The following CEP128 variants were observed in gnomAD, a reference collection of about 807,000 sequenced individuals.
The protein encoded by CEP128 is centrosomal protein 128kDa.
Under a neutral mutation model 156.7 loss-of-function variants are expected in CEP128, and 132 were observed. The observed-to-expected ratio is 0.84, with a 90% CI of 0.73 to 0.97. CEP128 has a LOEUF of 0.97. Among genes scored for constraint, CEP128 ranks in the 50% least tolerant of loss-of-function variants. The pLI is 0.00. For missense variants in CEP128, 1,252 were observed against 1,281.9 expected (o/e 0.98, Z 0.36); for synonymous variants, 469 against 448.9 (o/e 1.04, Z -0.57).
chr14:80,663,911 G>A (rs1422928998), intron 19 of CEP128, among the ~76,000 whole-genome samples: 1 of 152,154 alleles, frequency 6.6e-6, no homozygotes, highest in African/African-American at 2.4e-5. Context: ...GTATTTAGAG[G>A]CAGCTCCAGT....
At chr14:80,786,432 A>T (rs1168116177) in intron 14 of CEP128, among the ~76,000 whole-genome samples, 1 of 152,244 alleles carries the variant, frequency 6.6e-6, no homozygotes, top group Non-Finnish European at 1.5e-5. Flanking sequence ...AGACATTTCT[A>T]CACTTCACAT....
intron 19 of CEP128, among the ~76,000 whole-genome samples, chr14:80,707,179 G>A (rs1216581318): frequency 6.6e-6 from 1 of 152,136 alleles, no homozygotes; most frequent in Non-Finnish European, 1.5e-5. Context: ...TGTCTGTTAT[G>A]TTATGAGACT....
chr14:80,603,336 G>C (rs1385197182), intron 19 of CEP128, among the ~76,000 whole-genome samples: 1 of 152,228 alleles, frequency 6.6e-6, no homozygotes, highest in Non-Finnish European at 1.5e-5. Context: ...GTGGTTGCCA[G>C]AGGCTGGAGG....
At chr14:80,801,393 TAG>T (rs1491013710) in intron 13 of CEP128, among the ~76,000 whole-genome samples, 2 of 61,980 alleles carry the variant, frequency 3.2e-5, no homozygotes, top group Admixed American at 3.0e-4. Flanking sequence ...TATCCCTTAC[TAG>T]TTTTTGACAT....
At chr14:80,520,283 G>A (rs1311349389) in intron 23 of CEP128, among the ~76,000 whole-genome samples, 1 of 152,126 alleles carries the variant, frequency 6.6e-6, no homozygotes, top group Non-Finnish European at 1.5e-5. Context: ...GCCAGGCATA[G>A]TGGCGCATGC....
chr14:80,722,510 A>T (rs926638336), intron 19 of CEP128, among the ~76,000 whole-genome samples: 1 of 151,744 alleles, frequency 6.6e-6, no homozygotes, highest in South Asian at 2.1e-4. Flanking sequence ...TATATATTAC[A>T]GACGCACACA....
chr14:80,489,563 A>T (rs187005797), downstream of CEP128, among the ~76,000 whole-genome samples: 1 of 152,290 alleles, frequency 6.6e-6, no homozygotes, highest in East Asian at 1.9e-4. Context: ...TGGGATCTTC[A>T]TACCCTATTG....
At chr14:80,834,735 G>A (rs1885985499) in intron 12 of CEP128, among the ~76,000 whole-genome samples, 1 of 152,136 alleles carries the variant, frequency 6.6e-6, no homozygotes, top group African/African-American at 2.4e-5. Context: ...AACAATTCCT[G>A]TGTGCATCTT....
At chr14:80,509,070 C>A (rs1173649956) in intron 23 of CEP128, among the ~76,000 whole-genome samples, 1 of 152,144 alleles carries the variant, frequency 6.6e-6, no homozygotes, top group Non-Finnish European at 1.5e-5. Context: ...ACCATCAGAT[C>A]TTGTGAGAAC....
At position 80,530,596 on chromosome 14, in the gene CEP128, CTA is replaced by C. The variant is rs113632960; in HGVS notation, c.2958+211_2958+212del. ...GAGCTTCTAGTAGTACAGTGAAAGT[CTA>C]TATCTTCCTATCTTGTGCTAATACA... On this transcript the variant is annotated intron_variant, in intron 22 of 24. Transcript: ENST00000555265. 2.8e-4 allele frequency among the ~76,000 whole-genome samples: 42 copies of C among 152,298 alleles called. 1 individual carries two copies. The highest frequency in any genetic ancestry group is 8.2e-4 in the African/African-American group (34 of 41,576).
intron 21 of CEP128, among the ~76,000 whole-genome samples, chr14:80,556,324 T>C (rs1317291437): frequency 6.6e-6 from 1 of 152,202 alleles, no homozygotes; most frequent in African/African-American, 2.4e-5. Context: ...ACTGGACTAA[T>C]GCTATTTATT....
intron 23 of CEP128, among the ~76,000 whole-genome samples, chr14:80,505,912 A>T (rs1001169335): frequency 6.6e-6 from 1 of 152,194 alleles, no homozygotes; most frequent in African/African-American, 2.4e-5. Flanking sequence ...AAAGCAAGAC[A>T]TTGGGGTCTA....
intron 12 of CEP128, among the ~76,000 whole-genome samples, chr14:80,835,831 G>C (rs1839846368): frequency 6.6e-6 from 1 of 152,266 alleles, no homozygotes; most frequent in Non-Finnish European, 1.5e-5. Flanking sequence ...ATTGAGATAA[G>C]AGAATGTGAA....
rs368883778 is a variant in CEP128 at position 80,552,557 on chromosome 14, A to AT, written c.2880+6721dup. Among the ~76,000 whole-genome samples the AT allele has an allele frequency of 2.6e-5, 4 of 151,844 alleles. No homozygotes were observed. The East Asian group carries it at 5.8e-4, about 22-fold the overall frequency. On this transcript the variant is annotated intron_variant, in intron 21 of 24. Transcript: ENST00000555265. ...TGTTTCAATTCCCTTTAGTTTTTTA[A>AT]TTTTTTTTGGTGAAATATGTCATTG...
At chr14:80,667,848 A>G (rs1202172542) in intron 19 of CEP128, among the ~76,000 whole-genome samples, 1 of 116,870 alleles carries the variant, frequency 8.6e-6, no homozygotes, top group Non-Finnish European at 1.6e-5. Context: ...ACAGAGCGAG[A>G]CTCCATCTCA....
intron 19 of CEP128, among the ~76,000 whole-genome samples, chr14:80,688,456 CATGAA>C (rs2139293343): frequency 6.6e-6 from 1 of 152,322 alleles, no homozygotes; most frequent in South Asian, 2.1e-4. Context: ...AACAAAAATA[CATGAA>C]ATGAACATTC....
chr14:80,589,192 T>C (rs1346720006), intron 19 of CEP128, among the ~76,000 whole-genome samples: 1 of 152,052 alleles, frequency 6.6e-6, no homozygotes, highest in Non-Finnish European at 1.5e-5. Flanking sequence ...TCAAGAGCCT[T>C]CAGAGAATAA....
intron 16 of CEP128, among the ~76,000 whole-genome samples, chr14:80,775,912 G>A (rs1027215361): frequency 5.3e-5 from 8 of 152,020 alleles, no homozygotes; most frequent in African/African-American, 1.2e-4. Context: ...GGCTCGCTGC[G>A]ACTTTCCGCC....
chr14:80,924,703 C>A (rs573340772), intron 2 of CEP128, among the ~76,000 whole-genome samples: 15 of 151,360 alleles, frequency 9.9e-5, no homozygotes, highest in Non-Finnish European at 1.9e-4. Flanking sequence ...GTTCTGCCCT[C>A]GTCTGATTTT....
Sources: gnomAD v4.1 joint callset for allele counts (sites outside exome capture counted in the v4.1 genomes callset) on GRCh38, gnomAD v4.1.1 for gene constraint, MANE v1.5 for transcripts, NCBI Gene and HGNC (gene_info 2026-07-23, HGNC 2026-07-21) for gene names.